Variants in CTNNA3 observed in about 807,000 individuals in gnomAD.
The protein encoded by CTNNA3 is catenin alpha-3.
Under a neutral mutation model 95.7 loss-of-function variants are expected in CTNNA3, and 76 were observed. The observed-to-expected ratio is 0.79, with a 90% CI of 0.66 to 0.96. The LOEUF (loss-of-function observed/expected upper bound fraction) is 0.96, where lower values mean the gene tolerates loss of function less well. CTNNA3 is among the 40% of genes least tolerant of loss of function. The pLI is 0.00. For missense variants in CTNNA3, 1,191 were observed against 1,089.8 expected, an observed-to-expected ratio of 1.09 and a Z score of -1.31; for synonymous variants, 431 against 374.4, an observed-to-expected ratio of 1.15 and a Z score of -1.74.
chr10:66,515,691 C>T (rs1840826215), intron 11 of CTNNA3, among the ~76,000 whole-genome samples: 1 of 152,016 alleles, frequency 6.6e-6, no homozygotes, highest in Non-Finnish European at 1.5e-5. Flanking sequence ...GGGAAGCAAA[C>T]ACATCCTTTT....
intron 6 of CTNNA3, among the ~76,000 whole-genome samples, chr10:67,184,279 G>A (rs773574063): frequency 6.6e-6 from 1 of 152,070 alleles, no homozygotes; most frequent in Non-Finnish European, 1.5e-5. Flanking sequence ...GCTTCGACTC[G>A]ATTACTTCCA....
chr10:67,203,132 T>G (rs991727633), intron 6 of CTNNA3, among the ~76,000 whole-genome samples: 2 of 152,166 alleles, frequency 1.3e-5, no homozygotes, highest in African/African-American at 4.8e-5. Flanking sequence ...TCTGATATGG[T>G]TTGACTGTGT....
At chr10:66,597,124 C>T (rs1038981674) in intron 10 of CTNNA3, among the ~76,000 whole-genome samples, 1 of 151,748 alleles carries the variant, frequency 6.6e-6, no homozygotes, top group African/African-American at 2.4e-5. Context: ...ATTTAAAATT[C>T]TCCAGTCACA....
intron 7 of CTNNA3, among the ~76,000 whole-genome samples, chr10:66,781,708 A>G (rs2132847167): frequency 6.6e-6 from 1 of 152,306 alleles, no homozygotes; most frequent in East Asian, 1.9e-4. Flanking sequence ...ATTGTTTGGG[A>G]AAGTAAGATG....
At chr10:66,902,919 C>G (rs191749523) in intron 7 of CTNNA3, among the ~76,000 whole-genome samples, 13 of 152,162 alleles carry the variant, frequency 8.5e-5, no homozygotes, top group Non-Finnish European at 1.5e-4. Flanking sequence ...CAGGACCAGA[C>G]AGATTCACAG....
At chr10:67,758,323 TACACACACAC>T (rs3059974) in intron 1 of CTNNA3, among the ~76,000 whole-genome samples, 23 of 143,318 alleles carry the variant, frequency 1.6e-4, no homozygotes, top group African/African-American at 2.6e-4. Flanking sequence ...TAAATATATA[TACACACACAC>T]ACACACACAC....
chr10:66,737,216 T>A (rs1849173064), intron 9 of CTNNA3, among the ~76,000 whole-genome samples: 1 of 152,050 alleles, frequency 6.6e-6, no homozygotes, highest in Non-Finnish European at 1.5e-5. Context: ...AAATTTTCAG[T>A]ATTTGACAAG....
At chr10:66,920,306 G>A (rs559226442) in intron 7 of CTNNA3, among the ~76,000 whole-genome samples, 1 of 152,180 alleles carries the variant, frequency 6.6e-6, no homozygotes, top group Non-Finnish European at 1.5e-5. Context: ...TTTTGCAGAT[G>A]AGCAAACTGA....
chr10:67,025,153 A>G (rs187410795), intron 7 of CTNNA3, among the ~76,000 whole-genome samples: 169 of 149,348 alleles, frequency 1.1e-3, no homozygotes, highest in African/African-American at 4.1e-3. Context: ...AAAAAGAAAG[A>G]AAGGAAGGAA....
intron 7 of CTNNA3, among the ~76,000 whole-genome samples, chr10:67,007,003 C>T (rs1481841676): frequency 6.6e-6 from 1 of 152,068 alleles, no homozygotes; most frequent in Non-Finnish European, 1.5e-5. Flanking sequence ...ACCATGTTGG[C>T]CAGGCTGTTC....
At chr10:66,087,061 C>A (rs577930165) in intron 14 of CTNNA3, among the ~76,000 whole-genome samples, 1 of 152,034 alleles carries the variant, frequency 6.6e-6, no homozygotes, top group Non-Finnish European at 1.5e-5. Flanking sequence ...TTCCTTCTTC[C>A]TTTTCCTTGT....
chr10:67,093,721 T>A (rs969635956), intron 7 of CTNNA3, among the ~76,000 whole-genome samples: 1 of 152,024 alleles, frequency 6.6e-6, no homozygotes, highest in African/African-American at 2.4e-5. Flanking sequence ...AACCTCTGCA[T>A]CAGGTATTTA....
rs113957503 is a variant in CTNNA3, at chr10:67,735,295, G to C, written c.-2+28139C>G. Among the ~76,000 whole-genome samples the C allele has an allele frequency of 8.6e-3, 1,307 of 152,132 alleles. 25 individuals are homozygous for C. Among genetic ancestry groups the C allele is most frequent in the African/African-American group, 0.029 (1,215 of 41,502 alleles). ...GCAAAACAGGAAGATGATGAAATAA[G>C]AATCTGGAGTTTGGAGTGGGTGTTG... On this transcript the variant is annotated intron_variant, in intron 1 of 17. Transcript: ENST00000684154.
At chr10:67,259,798 C>T (rs1866521759) in intron 5 of CTNNA3, among the ~76,000 whole-genome samples, 1 of 152,106 alleles carries the variant, frequency 6.6e-6, no homozygotes, top group Non-Finnish European at 1.5e-5. Flanking sequence ...TGCCTCTTTT[C>T]TACTATTAGT....
chr10:66,262,048 C>T (rs887472122), intron 13 of CTNNA3, among the ~76,000 whole-genome samples: 5 of 151,846 alleles, frequency 3.3e-5, no homozygotes, highest in African/African-American at 9.7e-5. Context: ...TGACTTTTTG[C>T]ACATATTGGG....
chr10:67,093,258 T>C lies in CTNNA3; in HGVS notation c.1047+87059A>G, dbSNP rs1409631027. 1.3e-5 allele frequency among the ~76,000 whole-genome samples: 2 copies of C among 151,922 alleles called. 1 individual carries two copies. Among genetic ancestry groups the C allele is most frequent in the Non-Finnish European group, 2.9e-5 (2 of 67,944 alleles). On this transcript the variant is annotated intron_variant, in intron 7 of 17. Coordinates refer to ENST00000433211, the MANE Select transcript of CTNNA3 (RefSeq NM_013266.4). ...TGCCCTTCCCTGAGCCTATTCCAAC[T>C]AGCTAGTTCAGACACTTAGGGTAAC... is the stretch of plus-strand genomic sequence containing the variant.
chr10:67,175,219 C>A (rs1289990723), intron 7 of CTNNA3, among the ~76,000 whole-genome samples: 1 of 151,966 alleles, frequency 6.6e-6, no homozygotes, highest in African/African-American at 2.4e-5. Flanking sequence ...TTAATTCTAA[C>A]CTGTCTCTTG....
intron 7 of CTNNA3, chr10:66,928,127 C>T (rs747748916): frequency 1.2e-6 from 2 of 1,613,948 alleles, no homozygotes; most frequent in Non-Finnish European, 1.7e-6. Context: ...GCCACAGAGC[C>T]CGGCCCAGAG....
chr10:67,172,035 T>C (rs10997548), intron 7 of CTNNA3, among the ~76,000 whole-genome samples: 3,296 of 152,300 alleles, frequency 0.022, 90 homozygotes, highest in African/African-American at 0.072. Context: ...GAACTTCATA[T>C]ATTTCCTACA....
Sources: gnomAD v4.1 joint callset for allele counts (sites outside exome capture counted in the v4.1 genomes callset) on GRCh38, gnomAD v4.1.1 for gene constraint, MANE v1.5 for transcripts, NCBI Gene and HGNC (gene_info 2026-07-23, HGNC 2026-07-21) for gene names.